Variants in TNRC6C observed in about 807,000 individuals in gnomAD.
TNRC6C encodes the protein trinucleotide repeat containing adaptor 6C, also known as trinucleotide repeat-containing gene 6C protein.
TNRC6C carries 20 observed loss-of-function variants against 153.7 expected under a neutral mutation model. The observed-to-expected ratio is 0.13, with a 90% confidence interval of 0.09 to 0.19. The LOEUF (loss-of-function observed/expected upper bound fraction) is 0.19, where lower values mean the gene tolerates loss of function less well. Among genes scored for constraint, TNRC6C ranks in the 10% least tolerant of loss-of-function variants. The pLI is 1.00. For missense variants in TNRC6C, 1,987 were observed against 2,172.0 expected (o/e 0.91, Z 1.69); for synonymous variants, 811 against 841.4 (o/e 0.96, Z 0.63).
In TNRC6C at chr17:78,021,912, A is replaced by T. The variant is rs1485653718; in HGVS notation, c.-545-9604A>T. Among the ~76,000 whole-genome samples the T allele has an allele frequency of 3.9e-5, 6 of 152,224 alleles. 1 individual carries two copies. The South Asian group carries it at 8.3e-4, about 21-fold the overall frequency. ...TTAATTAAAATAAAACAATACCTAC[A>T]TAAGACTTTGGGATATATTACCAGG... On this transcript the variant is annotated intron_variant, in intron 1 of 19. Coordinates refer to ENST00000301624, the Ensembl canonical transcript of TNRC6C.
intron 4 of TNRC6C, 137 bp downstream of exon 6, chr17:78,065,074 C>T: frequency 8.1e-6 from 8 of 989,866 alleles, no homozygotes; most frequent in Non-Finnish European, 1.0e-5. Context: ...CTTGGCCAAG[C>T]ACAGTGCCTC....
At chr17:78,101,175 C>A (rs142288672) in intron 17 of TNRC6C, among the ~76,000 whole-genome samples, 2 of 152,306 alleles carry the variant, frequency 1.3e-5, no homozygotes, top group Non-Finnish European at 2.9e-5. Context: ...GAAATTTCTT[C>A]TGCCAGATAC....
rs888498648 is a variant in TNRC6C, at chr17:78,084,621, C to CTT, written c.3477+1470_3477+1471dup. Among the ~76,000 whole-genome samples, 646 of 134,152 alleles carry CTT rather than the reference C, an allele frequency of 4.8e-3. 6 individuals are homozygous for CTT. Among genetic ancestry groups the CTT allele is most frequent in the South Asian group, 0.012 (48 of 4,144 alleles). The allele number at this position is 134,152 out of a possible 152,430, so 88.0% of individuals were successfully genotyped here. A position where few individuals can be genotyped will look rare whatever the true frequency, so the allele number is the denominator to read the frequency against. ...GAGACTGTTTTTTCTTTTTCTTTTT[C>CTT]TTTTTTTTTTTTTTTTGAGACGGCG... is the stretch of plus-strand genomic sequence containing the variant. On this transcript the variant is annotated intron_variant, in intron 11 of 19. Transcript: ENST00000301624.
At chr17:77,971,867 TA>T (rs60316098) in intron 1 of TNRC6C, among the ~76,000 whole-genome samples, 68,416 of 142,376 alleles carry the variant, frequency 0.48, 16,247 homozygotes, top group African/African-American at 0.6. Context: ...TTAAGTGAGT[TA>T]AAAAAAAAAA....
intron 2 of TNRC6C, among the ~76,000 whole-genome samples, chr17:78,037,569 G>A (rs1189126000): frequency 6.6e-6 from 1 of 152,200 alleles, no homozygotes; most frequent in African/African-American, 2.4e-5. Flanking sequence ...AGGTGAAAGG[G>A]CGTCGCAGAT....
chr17:77,974,063 G>GGAGA (rs548748635), intron 1 of TNRC6C, among the ~76,000 whole-genome samples: 1 of 147,362 alleles, frequency 6.8e-6, no homozygotes, highest in Non-Finnish European at 1.5e-5. Flanking sequence ...GGGGGAGGGG[G>GGAGA]GAGAGAGAGA....
At chr17:78,065,995 C>A (rs2072869054) in intron 4 of TNRC6C, among the ~76,000 whole-genome samples, 1 of 152,100 alleles carries the variant, frequency 6.6e-6, no homozygotes, top group African/African-American at 2.4e-5. Flanking sequence ...CTTTGGGAGG[C>A]CAAGGTGGGT....
chr17:78,098,822 C>T (rs1370157334), intron 17 of TNRC6C, among the ~76,000 whole-genome samples: 1 of 152,194 alleles, frequency 6.6e-6, no homozygotes, highest in African/African-American at 2.4e-5. Context: ...CTGGCCAATT[C>T]TATCCTCAGG....
chr17:78,106,164 T>C (rs2073690235), exon 20 of TNRC6C: 7 of 152,146 alleles, frequency 4.6e-5, no homozygotes. Context: ...GTGACTGCTT[T>C]TGGGGGAGCC....
intron 1 of TNRC6C, among the ~76,000 whole-genome samples, chr17:77,962,575 GC>G: frequency 6.6e-6 from 1 of 152,334 alleles, no homozygotes; most frequent in South Asian, 2.1e-4. Context: ...CTTGGAGCTG[GC>G]AGAAGGATAG....
At chr17:78,088,733 T>C (rs2144525002) in intron 13 of TNRC6C, among the ~76,000 whole-genome samples, 1 of 152,024 alleles carries the variant, frequency 6.6e-6, no homozygotes, top group East Asian at 1.9e-4. Flanking sequence ...CCCAAAGTGC[T>C]GTGATTACAG....
chr17:77,992,373 C>T (rs2071264774), intron 1 of TNRC6C, among the ~76,000 whole-genome samples: 1 of 104,388 alleles, frequency 9.6e-6, no homozygotes, highest in Non-Finnish European at 1.8e-5. Context: ...TGGCGCGTGC[C>T]TGTAGTCCCA....
chr17:78,102,574 C>T (rs959577737), intron 18 of TNRC6C, 30 bp downstream of exon 21: 4 of 1,578,326 alleles, frequency 2.5e-6, no homozygotes, highest in Non-Finnish European at 3.4e-6. Context: ...CATCACTGAG[C>T]ATGATCCAGG....
At chr17:78,051,050 C>A in exon 3 of TNRC6C, 3 of 1,611,490 alleles carry the variant, frequency 1.9e-6, no homozygotes, top group African/African-American at 1.3e-5. Flanking sequence ...AAACCTGGCC[C>A]CCAACAGAAC....
chr17:78,024,730 TCTC>T (rs1567920939), intron 1 of TNRC6C, among the ~76,000 whole-genome samples: 1 of 151,922 alleles, frequency 6.6e-6, no homozygotes, highest in Admixed American at 6.6e-5. Flanking sequence ...ATGTATTCCC[TCTC>T]CTCACCACCA....
At chr17:77,988,181 G>T (rs374038929) in intron 1 of TNRC6C, among the ~76,000 whole-genome samples, 4 of 152,026 alleles carry the variant, frequency 2.6e-5, no homozygotes, top group Admixed American at 6.5e-5. Context: ...GTGAGACTCC[G>T]TCTCAAAAAA....
upstream of TNRC6C, among the ~76,000 whole-genome samples, chr17:78,002,610 A>G (rs2071430028): frequency 6.6e-6 from 1 of 152,198 alleles, no homozygotes; most frequent in African/African-American, 2.4e-5. Context: ...GCTATTGTTC[A>G]GGCTGGGTGT....
At chr17:78,061,584 A>G (rs2072768920) in intron 3 of TNRC6C, among the ~76,000 whole-genome samples, 1 of 152,198 alleles carries the variant, frequency 6.6e-6, no homozygotes, top group Admixed American at 6.5e-5. Flanking sequence ...CAGAAGCAGG[A>G]GGATCGCTTG....
rs922641645 is a variant in TNRC6C, at chr17:78,093,770, G to T, written c.4306+7G>T. 4 of 1,613,508 alleles carry T rather than the reference G, an allele frequency of 2.5e-6. No individual in the cohort carries two copies. The African/African-American group carries it at 5.3e-5, about 22-fold the overall frequency. ...TACCTCCTCAAGAGTGGAGGTGAGG[G>T]TGCTGCTCTTCCTGCCTCTGCATGG... is the stretch of plus-strand genomic sequence containing the variant. On this transcript the variant is annotated splice_region_variant and intron_variant, in intron 16 of 19. Coordinates refer to ENST00000301624, the Ensembl canonical transcript of TNRC6C.
Sources: gnomAD v4.1 joint callset for allele counts (sites outside exome capture counted in the v4.1 genomes callset) on GRCh38, gnomAD v4.1.1 for gene constraint, MANE v1.5 for transcripts, NCBI Gene and HGNC (gene_info 2026-07-23, HGNC 2026-07-21) for gene names.